PLEC: variants seen among roughly 807,000 people sequenced by gnomAD.
The protein encoded by PLEC is plectin.
PLEC carries 216 observed loss-of-function variants against 392.8 expected under a neutral mutation model. That is an observed-to-expected ratio of 0.55 (90% CI 0.49 to 0.62). The LOEUF is 0.62. Ranked by LOEUF, PLEC falls within the 20% of genes least tolerant of loss-of-function variation. The pLI is 0.00. For synonymous variants in PLEC, 3,621 were observed against 2,980.6 expected (o/e 1.21, Z -7.00); for missense variants, 6,863 against 6,563.4 (o/e 1.05, Z -1.58).
chr8:143,930,488 C>A lies in PLEC; in HGVS notation c.2353G>T (p.Ala785Ser), dbSNP rs1554714006. ...NEYKGHLSGL[A>S]KRAKAVVQLK... ...TGCACGACGGCCTTGGCCCGCTTGG[C>A]CAGGCCTGAGAGGTGGCCCTTGTAC... Residue 785 changes from alanine to serine, a missense_variant, in exon 20 of 32, where the codon GCC becomes TCC. Physicochemically the swap from Ala to Ser is moderately conservative, Grantham distance 99 (BLOSUM62 1). Coordinates refer to ENST00000345136, the MANE Select transcript of PLEC (RefSeq NM_201384.3). The A allele has an allele frequency of 6.3e-7, 1 of 1,595,382 alleles. No homozygotes were observed. Among genetic ancestry groups the A allele is most frequent in the African/African-American group, 1.3e-5 (1 of 74,476 alleles).
In PLEC at chr8:143,920,176, CT is replaced by C. The variant is rs782468739; in HGVS notation, c.9644del (p.Lys3215ArgfsTer37). ...GCTCCTCCTGCCGGGCCCGAGCAGC[CT>C]TTTCTGAGAGCGGCAGCAGGCTCAG... The part of the protein sequence containing the change: ...TGLSLLPLSE[K>X]AARARQEELY... On this transcript the variant is annotated frameshift_variant, in exon 32 of 32. Transcript: ENST00000345136. LOFTEE classifies it high-confidence loss of function. The C allele has an allele frequency of 2.5e-6, 4 of 1,612,216 alleles. No individual in the cohort carries two copies.
chr8:143,928,101 C>T, intron 25 of PLEC, 109 bp from the exon 26 acceptor site: 1 of 1,377,752 alleles, frequency 7.3e-7, no homozygotes, highest in Non-Finnish European at 9.7e-7. Context: ...AGCCCAGACC[C>T]AACCCTGGGG....
At chr8:143,937,817 G>A in intron 3 of PLEC, 1 of 549,430 alleles carries the variant, frequency 1.8e-6, no homozygotes, top group South Asian at 1.5e-5. Flanking sequence ...AGGGTAAAGG[G>A]CAGAGGTCAA....
At position 143,920,942 on chromosome 8, in the gene PLEC, A is replaced by ATGATGATCT; in HGVS notation, c.8870_8878dup (p.Lys2957_Ile2959dup). 2.5e-6 allele frequency: 4 copies of ATGATGATCT among 1,612,996 alleles called. No homozygotes were observed. Among genetic ancestry groups the ATGATGATCT allele is most frequent in the Non-Finnish European group, 3.4e-6 (4 of 1,180,020 alleles). On this transcript the variant is annotated inframe_insertion, in exon 32 of 32. Coordinates refer to ENST00000345136, the MANE Select transcript of PLEC (RefSeq NM_201384.3). ...CTGCTCCTGCTCCTCCACCACCGTG[A>ATGATGATCT]TGATGATCTTGATGATCTTCTCCAC...
Position 143,919,674 on chromosome 8 carries a change from T to A in PLEC, c.10147A>T (p.Thr3383Ser). ...EAMRRGLLRATTAALLLEAQA... is the reference protein window; with the variant it reads ...EAMRRGLLRASTAALLLEAQA... ...GCCTCCAGCAGGAGCGCAGCCGTTG[T>A]GGCTCTCAGCAGGCCCCGGCGCATG... Residue 3383 changes from threonine (T) to serine (S), a missense_variant, in exon 32 of 32, where the codon ACA (threonine) becomes TCA (serine). Physicochemically the swap from Thr to Ser is moderately conservative, Grantham distance 58. Transcript: ENST00000345136. The A allele has an allele frequency of 6.3e-7, 1 of 1,599,080 alleles. No individual in the cohort carries two copies. Among genetic ancestry groups the A allele is most frequent in the Non-Finnish European group, 8.5e-7 (1 of 1,174,288 alleles).
At chr8:143,961,321 G>A (rs1345792903) in intron 1 of PLEC, among the ~76,000 whole-genome samples, 1 of 152,026 alleles carries the variant, frequency 6.6e-6, no homozygotes, top group African/African-American at 2.4e-5. Flanking sequence ...CGCCTCCCAG[G>A]TTCAAGTGAT....
Position 143,929,433 on chromosome 8 carries a change from T to C in PLEC, c.3062A>G (p.Gln1021Arg), listed in dbSNP as rs782452309. 5 of 1,575,468 alleles carry C rather than the reference T, an allele frequency of 3.2e-6. No individual in the cohort carries two copies. The highest frequency in any genetic ancestry group is 4.3e-6 in the Non-Finnish European group (5 of 1,162,666). Residue 1021 changes from glutamine (Q) to arginine (R), a missense_variant, in exon 24 of 32, where the codon CAG (glutamine) becomes CGG (arginine). Gln to Arg is a conservative substitution (Grantham distance 43). Transcript: ENST00000345136. ...LDKEPARECA[Q>R]RIAEQQKAQA... ...CCCTGCCTGCTGCTCGGCGATGCGCTGGGCACACTCCCGTGCCGGCTCTTT... is the reference window on the plus strand; with the variant it reads ...CCCTGCCTGCTGCTCGGCGATGCGCCGGGCACACTCCCGTGCCGGCTCTTT...
rs781934037 is a variant in PLEC, at chr8:143,920,626, C to G, written c.9195G>C (p.Gly3065=). Residue 3065 remains glycine (G), a synonymous_variant, in exon 32 of 32, where the codon GGG becomes GGC. Transcript: ENST00000345136. ...CGCTGGTGGCGGGGTCGATGATGTG[C>G]CCGGTGCCGGCCTGGGCTTCCAACA... ...VALLEAQAGT[G]HIIDPATSAR... is the part of the protein sequence containing the mutation. 6 of 1,606,880 alleles carry G rather than the reference C, an allele frequency of 3.7e-6. No individual in the cohort carries two copies. Among genetic ancestry groups the G allele is most frequent in the Non-Finnish European group, 5.1e-6 (6 of 1,179,894 alleles).
rs375605568 is a variant in PLEC, at chr8:143,923,941, G to T, written c.5988C>A (p.Ala1996=). The T allele has an allele frequency of 6.3e-7, 1 of 1,592,922 alleles. No individual in the cohort carries two copies. Among genetic ancestry groups the T allele is most frequent in the Non-Finnish European group, 8.5e-7 (1 of 1,177,478 alleles). ...AEERVQKSLA[A]EEEAARQRKA... Reference sequence around the variant, plus strand: ...TCCGCTGCCGTGCGGCCTCCTCCTCGGCCGCCAGGCTCTTCTGCACGCGCT... The same window carrying T: ...TCCGCTGCCGTGCGGCCTCCTCCTCTGCCGCCAGGCTCTTCTGCACGCGCT... The change falls in exon 31 of 32, where the codon GCC becomes GCA. Residue 1996 remains alanine (A), a synonymous_variant. Transcript: ENST00000345136.
intron 16 of PLEC, 31 bp from the exon 17 acceptor site, chr8:143,932,265 G>A: frequency 6.2e-7 from 1 of 1,609,654 alleles, no homozygotes; most frequent in Non-Finnish European, 8.5e-7. Context: ...CTCAGGGACG[G>A]CCGGCCACAC....
rs908220810 is a variant in PLEC, at chr8:143,973,347, C to A, written c.70+56G>T. 8 of 1,535,724 alleles carry A rather than the reference C, an allele frequency of 5.2e-6. No individual in the cohort carries two copies. Among genetic ancestry groups the A allele is most frequent in the Non-Finnish European group, 7.0e-6 (8 of 1,139,136 alleles). On this transcript the variant is annotated intron_variant, in intron 1 of 31. Coordinates refer to the PLEC transcript ENST00000356346. This position sits in a 1 kb window ranked among gnomAD's most constrained non-coding sequence, Gnocchi z 5.6. Reference sequence around the variant, plus strand: ...GACCGCCACCGTGGACGACAAGGTGCTCGGCGGCTGGGCTGTCAGGAGCGG... The same window carrying A: ...GACCGCCACCGTGGACGACAAGGTGATCGGCGGCTGGGCTGTCAGGAGCGG...
chr8:143,944,749 A>ACTGG, intron 1 of PLEC: 1 of 1,264,716 alleles, frequency 7.9e-7, no homozygotes, highest in Non-Finnish European at 1.0e-6. Flanking sequence ...GGCACAAGCC[A>ACTGG]CTGGCGGCAG....
rs1554701858 is a variant in PLEC, at chr8:143,925,299, G to A, written c.4630C>T (p.Gln1544Ter). The A allele has an allele frequency of 6.4e-7, 1 of 1,572,170 alleles. No homozygotes were observed. Among genetic ancestry groups the A allele is most frequent in the Non-Finnish European group, 8.6e-7 (1 of 1,167,676 alleles). The change falls in exon 31 of 32, where the codon CAG becomes TAG. Residue 1544 changes from glutamine to a stop codon, truncating the protein, a stop_gained. Coordinates refer to ENST00000345136, the MANE Select transcript of PLEC (RefSeq NM_201384.3). LOFTEE classifies it high-confidence loss of function. ...AGGCGCCGCTCCGCCTCCTCCGCCT[G>A]CAGCCGCAGCTCCTCCAGGGCCTGC... ...ALQALEELRL[Q>*]AEEAERRLRQ...
At position 143,934,725 on chromosome 8, in the gene PLEC, C is replaced by T; in HGVS notation, c.951G>A (p.Leu317=). The part of the protein sequence containing the change: ...FPSSFEEIEI[L]WSQFLKFKEM... ...CCTTAAACTTCAGGAACTGAGACCACAGGATCTGCCAGGGACGAGGCTGTC... is the reference window on the plus strand; with the variant it reads ...CCTTAAACTTCAGGAACTGAGACCATAGGATCTGCCAGGGACGAGGCTGTC... The change falls in exon 10 of 32, where the codon CTG becomes CTA. Residue 317 remains leucine (L), a synonymous_variant. Transcript: ENST00000345136. 6.2e-7 allele frequency: 1 copy of T among 1,612,496 alleles called. No individual in the cohort carries two copies.
chr8:143,943,358 C>A (rs1382171504), upstream of PLEC, among the ~76,000 whole-genome samples: 2 of 152,246 alleles, frequency 1.3e-5, no homozygotes, highest in African/African-American at 4.8e-5. Context: ...CCCCCGCCCC[C>A]TGTGCGGCCC....
chr8:143,934,146 G>A, intron 11 of PLEC, 55 bp from the exon 12 acceptor site: 3 of 1,593,050 alleles, frequency 1.9e-6, no homozygotes, highest in Non-Finnish European at 2.6e-6. Flanking sequence ...CACAGCCCTG[G>A]CCACAGACTG....
upstream of PLEC, chr8:143,954,008 C>T (rs1426476407): frequency 3.8e-6 from 4 of 1,053,540 alleles, no homozygotes; most frequent in Non-Finnish European, 5.1e-6. The surrounding 1 kb of genome is among the most constrained non-coding windows in gnomAD (Gnocchi z 4.6). Context: ...CACGCGACCC[C>T]GCTAACCCCA....
rs1554687927 is a variant in PLEC at position 143,921,993 on chromosome 8, C to A, written c.7828G>T (p.Ala2610Ser). The change falls in exon 32 of 32, where the codon GCG (alanine) becomes TCG (serine). Residue 2610 changes from alanine (A) to serine (S), a missense_variant. Coordinates refer to ENST00000345136, the MANE Select transcript of PLEC (RefSeq NM_201384.3). ...GAGGCAGTGACCTCCTCTGAGTGCGCCAGCGCGGCCCGGTGCTGCTCCTCC... is the reference window on the plus strand; with the variant it reads ...GAGGCAGTGACCTCCTCTGAGTGCGACAGCGCGGCCCGGTGCTGCTCCTCC... ...LLEEQHRAAL[A>S]HSEEVTASQV... 6.3e-7 allele frequency: 1 copy of A among 1,598,448 alleles called. No individual in the cohort carries two copies. The highest frequency in any genetic ancestry group is 1.1e-5 in the South Asian group (1 of 91,006).
rs552993354 is a variant in PLEC, at chr8:143,920,441, C to T, written c.9380G>A (p.Arg3127Gln). 1.5e-5 allele frequency: 24 copies of T among 1,599,366 alleles called. No homozygotes were observed. Among genetic ancestry groups the T allele is most frequent in the African/African-American group, 2.7e-5 (2 of 74,758 alleles). ...GTCCAACAGGCGCAGGCCCTGCTCC[C>T]GGGGAATGAGGCCCTTCTTCAGGGC... ...FQALKKGLIP[R>Q]EQGLRLLDAQ... Residue 3127 changes from arginine to glutamine, a missense_variant, in exon 32 of 32, where the codon CGG becomes CAG. Arg to Gln is a conservative substitution (Grantham distance 43). Coordinates refer to ENST00000345136, the MANE Select transcript of PLEC (RefSeq NM_201384.3).
Sources: gnomAD v4.1 joint callset for allele counts (sites outside exome capture counted in the v4.1 genomes callset) on GRCh38, gnomAD v4.1.1 for gene constraint, Gnocchi (gnomAD v3.1) non-coding constraint, MANE v1.5 for transcripts, NCBI Gene and HGNC (gene_info 2026-07-23, HGNC 2026-07-21) for gene names.